The following MORC3 variants were observed in gnomAD, a reference collection of about 807,000 sequenced individuals.
The protein encoded by MORC3 is MORC family CW-type zinc finger protein 3.
Under a neutral mutation model 109.1 loss-of-function variants are expected in MORC3, and 31 were observed. The observed-to-expected ratio is 0.28, with a 90% confidence interval of 0.21 to 0.38. The LOEUF is 0.38. Among genes scored for constraint, MORC3 ranks in the 10% least tolerant of loss-of-function variants. MORC3 has a pLI of 1.00. For missense variants in MORC3, 867 were observed against 1,135.8 expected, an observed-to-expected ratio of 0.76 and a Z score of 3.40; for synonymous variants, 395 against 380.7, an observed-to-expected ratio of 1.04 and a Z score of -0.44.
chr21:36,349,527 A>G, intron 9 of MORC3, 119 bp downstream of exon 9: 1 of 582,880 alleles, frequency 1.7e-6, no homozygotes, highest in Middle Eastern at 4.6e-4. Flanking sequence ...AAAGGTTTGA[A>G]TATACTACTT....
chr21:36,325,791 A>G (rs2146285089), intron 1 of MORC3, among the ~76,000 whole-genome samples: 1 of 152,396 alleles, frequency 6.6e-6, no homozygotes, highest in Non-Finnish European at 1.5e-5. Flanking sequence ...CCATCTGAGT[A>G]GCACCTGGAA....
intron 1 of MORC3, among the ~76,000 whole-genome samples, chr21:36,321,910 A>G (rs946586974): frequency 2.0e-5 from 3 of 152,152 alleles, no homozygotes; most frequent in African/African-American, 7.2e-5. Context: ...GATAATGGTC[A>G]GTGTTTAGAG....
rs768481785 is a variant in MORC3 at position 36,359,964 on chromosome 21, T to C, written c.1218T>C (p.Pro406=). The stretch of plus-strand genomic sequence containing the variant: ...TCTTGTTTTGGGACAGGAAGCGTCC[T>C]GATCAGACATGGGTTCAGTGTGATG... ...NLPVEDIQKR[P]DQTWVQCDAC... is the part of the protein sequence containing the mutation. Residue 406 remains proline (P), a synonymous_variant, in exon 11 of 17, where the codon CCT becomes CCC. Transcript: ENST00000400485. The C allele has an allele frequency of 1.9e-6, 3 of 1,614,210 alleles. No individual in the cohort carries two copies. The highest frequency in any genetic ancestry group is 2.5e-6 in the Non-Finnish European group (3 of 1,180,028).
At position 36,362,244 on chromosome 21, in the gene MORC3, T is replaced by A; in HGVS notation, c.1452+16T>A. ...GATCCCTCGGGTAATTAAGCCTTCT[T>A]TTTTTTTTTTTTTTTTAAATAGAGA... On this transcript the variant is annotated intron_variant, in intron 13 of 16. Transcript: ENST00000400485. 1 of 704,506 alleles carries A rather than the reference T, an allele frequency of 1.4e-6. No homozygotes were observed. The allele number at this position is 704,506 out of a possible 1,614,324, so 43.6% of individuals were successfully genotyped here. A position where few individuals can be genotyped will look rare whatever the true frequency, so the allele number is the denominator to read the frequency against.
At chr21:36,351,149 C>T (rs529054669) in intron 9 of MORC3, among the ~76,000 whole-genome samples, 203 of 134,526 alleles carry the variant, frequency 1.5e-3, no homozygotes, top group South Asian at 4.0e-3. Context: ...CTTATTGCAA[C>T]CTCTGCCTCT....
At position 36,369,426 on chromosome 21, in the gene MORC3, T is replaced by C; in HGVS notation, c.2058T>C (p.Asp686=). 4 of 1,614,162 alleles carry C rather than the reference T, an allele frequency of 2.5e-6. No homozygotes were observed. The highest frequency in any genetic ancestry group is 3.4e-6 in the Non-Finnish European group (4 of 1,180,026). ...AKIHETQETT[D]KSADDAGCQL... The stretch of plus-strand genomic sequence containing the variant: ...TACATGAAACCCAGGAAACCACCGA[T>C]AAATCTGCAGATGATGCAGGCTGCC... Residue 686 remains aspartate, a synonymous_variant, in exon 15 of 17, where the codon GAT becomes GAC. Transcript: ENST00000400485.
chr21:36,348,290 C>T (rs770500228), intron 8 of MORC3: 3 of 152,176 alleles, frequency 2.0e-5, no homozygotes, highest in Non-Finnish European at 4.4e-5. Flanking sequence ...ATCTCACAAA[C>T]GTATGGAATA....
chr21:36,338,433 A>G (rs1475969694), intron 4 of MORC3, among the ~76,000 whole-genome samples: 1 of 151,512 alleles, frequency 6.6e-6, no homozygotes, highest in Non-Finnish European at 1.5e-5. Context: ...GATCCCTGAA[A>G]TTCCACCACT....
intron 6 of MORC3, among the ~76,000 whole-genome samples, chr21:36,344,291 A>G (rs2085484251): frequency 1.3e-5 from 2 of 152,204 alleles, no homozygotes; most frequent in South Asian, 4.1e-4. Flanking sequence ...AAATGTGATC[A>G]TACCATACGT....
intron 16 of MORC3, among the ~76,000 whole-genome samples, chr21:36,374,337 C>T (rs1020048718): frequency 1.1e-4 from 17 of 152,066 alleles, no homozygotes; most frequent in African/African-American, 2.2e-4. Flanking sequence ...GCGATCTGCC[C>T]GCCTCAGCCT....
At chr21:36,367,006 G>A (rs573371890) in intron 14 of MORC3, among the ~76,000 whole-genome samples, 3 of 152,286 alleles carry the variant, frequency 2.0e-5, no homozygotes, top group East Asian at 3.9e-4. Context: ...TCCTAACTTG[G>A]AAGCATTGGG....
chr21:36,324,556 C>T (rs1260138853), intron 1 of MORC3, among the ~76,000 whole-genome samples: 1 of 152,078 alleles, frequency 6.6e-6, no homozygotes, highest in Non-Finnish European at 1.5e-5. Flanking sequence ...GGATTACAGG[C>T]GTGAGCCACC....
At chr21:36,322,817 A>T (rs575792236) in intron 1 of MORC3, among the ~76,000 whole-genome samples, 3 of 149,388 alleles carry the variant, frequency 2.0e-5, no homozygotes, top group South Asian at 2.1e-4. Flanking sequence ...TTTGTTGTTG[A>T]TTTTTTTTTT....
intron 5 of MORC3, among the ~76,000 whole-genome samples, chr21:36,340,021 G>T (rs1449809027): frequency 6.6e-6 from 1 of 152,180 alleles, no homozygotes; most frequent in Non-Finnish European, 1.5e-5. Context: ...GCTCACACCT[G>T]TAATCCCAGC....
chr21:36,338,542 T>C (rs1046833273), intron 4 of MORC3, among the ~76,000 whole-genome samples: 2 of 151,960 alleles, frequency 1.3e-5, no homozygotes, highest in African/African-American at 4.8e-5. Flanking sequence ...ATTTAAAAAT[T>C]AGCCGGTCGT....
At chr21:36,363,526 A>G (rs2085743999) in intron 13 of MORC3, among the ~76,000 whole-genome samples, 1 of 152,226 alleles carries the variant, frequency 6.6e-6, no homozygotes, top group South Asian at 2.1e-4. Flanking sequence ...GAACTCTTAT[A>G]TTAGCCTACA....
intron 16 of MORC3, 80 bp downstream of exon 16, chr21:36,372,611 A>C: frequency 7.4e-7 from 1 of 1,357,470 alleles, no homozygotes; most frequent in Non-Finnish European, 9.8e-7. Flanking sequence ...GCACCCATCA[A>C]ATAGATACTG....
rs1291123558 is a variant in MORC3, at chr21:36,341,530, G to A, written c.740G>A (p.Ser247Asn). 1.9e-6 allele frequency: 3 copies of A among 1,613,848 alleles called. No homozygotes were observed. Among genetic ancestry groups the A allele is most frequent in the Non-Finnish European group, 2.5e-6 (3 of 1,179,970 alleles). ...AGGATGGACCAGATTGCCCCTGAGAGTGACTATTCCCTGAGGGTATGTATT... is the reference window on the plus strand; with the variant it reads ...AGGATGGACCAGATTGCCCCTGAGAATGACTATTCCCTGAGGGTATGTATT... ...QERMDQIAPE[S>N]DYSLRAYCSI... Residue 247 changes from serine (S) to asparagine (N), a missense_variant, in exon 6 of 17, where the codon AGT becomes AAT. Ser to Asn is a conservative substitution (Grantham distance 46). This residue lies in a region of MORC3 where 134 missense variants were observed against 166.6 expected (regional missense o/e 0.80). Coordinates refer to ENST00000400485, the MANE Select transcript of MORC3 (RefSeq NM_015358.3).
intron 16 of MORC3, among the ~76,000 whole-genome samples, chr21:36,373,212 C>T (rs1308096539): frequency 2.7e-5 from 4 of 150,804 alleles, no homozygotes; most frequent in South Asian, 2.1e-4. Context: ...TGGTGGCAGG[C>T]GCCTGTAGTC....
Sources: gnomAD v4.1 joint callset for allele counts (sites outside exome capture counted in the v4.1 genomes callset) on GRCh38, gnomAD v4.1.1 for gene constraint, gnomAD v4.1.1 regional missense constraint, MANE v1.5 for transcripts, NCBI Gene and HGNC (gene_info 2026-07-23, HGNC 2026-07-21) for gene names.